DBF4B: variants seen among roughly 807,000 people sequenced by gnomAD.
The protein encoded by DBF4B is protein DBF4 homolog B.
Under a neutral mutation model 53.4 loss-of-function variants are expected in DBF4B, and 49 were observed. That is an observed-to-expected ratio of 0.92 (90% confidence interval 0.73 to 1.16). DBF4B has a LOEUF of 1.16. Ranked by LOEUF, DBF4B falls within the 50% of genes most tolerant of loss-of-function variation. DBF4B has a pLI of 0.00. For synonymous variants in DBF4B, 257 were observed against 288.7 expected (o/e 0.89, Z 1.11); for missense variants, 692 against 775.0 (o/e 0.89, Z 1.27).
At chr17:44,733,987 A>G in intron 6 of DBF4B, 103 bp from the exon 7 acceptor site, 5 of 910,762 alleles carry the variant, frequency 5.5e-6, no homozygotes, top group Admixed American at 3.7e-5. Flanking sequence ...GGAGTGATTC[A>G]GTGGGCTGGC....
intron 12 of DBF4B, 50 bp from the exon 13 acceptor site, chr17:44,748,280 CCCTGGCCCAGG>C (rs1474409282): frequency 2.0e-5 from 31 of 1,534,814 alleles, no homozygotes; most frequent in South Asian, 1.3e-4. Context: ...GTGCCCTCAG[CCCTGGCCCAGG>C]CCTGCTGTGA....
At position 44,732,170 on chromosome 17, in the gene DBF4B, A is replaced by G. The variant is rs2144960146; in HGVS notation, c.469-8A>G. ...CTGCTCCTACCTGACTCTGTGTTGT[A>G]ATTTCAGGGGAGCATCAGTGGAGGA... On this transcript the variant is annotated splice_polypyrimidine_tract_variant and splice_region_variant and intron_variant, in intron 5 of 13. Transcript: ENST00000315005. 1.2e-6 allele frequency: 2 copies of G among 1,613,782 alleles called. No individual in the cohort carries two copies. The highest frequency in any genetic ancestry group is 1.7e-6 in the Non-Finnish European group (2 of 1,179,926).
chr17:44,728,748 C>G (rs1447080161), intron 3 of DBF4B, among the ~76,000 whole-genome samples: 1 of 150,130 alleles, frequency 6.7e-6, no homozygotes, highest in Non-Finnish European at 1.5e-5. Flanking sequence ...ACCTGGGAGG[C>G]GGAGGTTGCA....
rs2049133640 is a variant in DBF4B, at chr17:44,747,376, C to T, written c.940-15C>T. On this transcript the variant is annotated splice_polypyrimidine_tract_variant and intron_variant, in intron 11 of 13. Coordinates refer to ENST00000315005, the MANE Select transcript of DBF4B (RefSeq NM_145663.3). ...GCCTCATCTAATGCCCTGTGCTCCTCTCCCCCGCCGGCAGCATCTTCAGAG... is the reference window on the plus strand; with the variant it reads ...GCCTCATCTAATGCCCTGTGCTCCTTTCCCCCGCCGGCAGCATCTTCAGAG... The T allele has an allele frequency of 6.2e-7, 1 of 1,613,448 alleles. No individual in the cohort carries two copies. Among genetic ancestry groups the T allele is most frequent in the Non-Finnish European group, 8.5e-7 (1 of 1,179,794 alleles).
At position 44,716,921 on chromosome 17, in the gene DBF4B, A is replaced by G. The variant is rs188621695; in HGVS notation, c.83-5959A>G. Among the ~76,000 whole-genome samples the G allele has an allele frequency of 2.0e-5, 3 of 152,162 alleles. No individual in the cohort carries two copies. The East Asian group carries it at 5.8e-4, about 29-fold the overall frequency. ...TCTCCTGTCTGTTTTTCACTCACCC[A>G]TCTAATTTCCAGCGTCCAACATTTT... On this transcript the variant is annotated intron_variant, in intron 2 of 13. Transcript: ENST00000315005.
At chr17:44,725,116 C>CAAAAAAAACAAAAAAAAAAAAAA (rs1974193896) in intron 3 of DBF4B, among the ~76,000 whole-genome samples, 1 of 47,600 alleles carries the variant, frequency 2.1e-5, no homozygotes, top group African/African-American at 8.3e-5. Context: ...GACTCCATCT[C>CAAAAAAAACAAAAAAAAAAAAAA]AAAAAAAAAA....
At chr17:44,745,646 A>C (rs1198616946) in intron 10 of DBF4B, among the ~76,000 whole-genome samples, 1 of 152,238 alleles carries the variant, frequency 6.6e-6, no homozygotes, top group Non-Finnish European at 1.5e-5. Flanking sequence ...CTCCATTGAC[A>C]CTTGGGGATT....
chr17:44,737,393 C>T (rs775903600), intron 8 of DBF4B, among the ~76,000 whole-genome samples: 5 of 152,218 alleles, frequency 3.3e-5, no homozygotes, highest in Admixed American at 2.6e-4. Flanking sequence ...AGTCACTTGG[C>T]ACCTCTCTCA....
Position 44,751,021 on chromosome 17 carries a change from TCA to T in DBF4B, c.1617_1618del (p.Arg540ThrfsTer44). 1 of 1,614,132 alleles carries T rather than the reference TCA, an allele frequency of 6.2e-7. No homozygotes were observed. Among genetic ancestry groups the T allele is most frequent in the Non-Finnish European group, 8.5e-7 (1 of 1,179,996 alleles). Reference sequence around the variant, plus strand: ...GAGGAAGTTTCCCCTTGCCCCTGTCTCAGACTTGGATACCTTTACCTGCTGCT... The same window carrying T: ...GAGGAAGTTTCCCCTTGCCCCTGTCTGACTTGGATACCTTTACCTGCTGCT... On this transcript the variant is annotated frameshift_variant, in exon 14 of 14. Transcript: ENST00000315005. LOFTEE classifies it low-confidence loss of function (END_TRUNC).
intron 5 of DBF4B, chr17:44,731,897 C>T (rs1396042748): frequency 3.0e-5 from 11 of 362,720 alleles, no homozygotes; most frequent in Non-Finnish European, 5.6e-5. Flanking sequence ...ACGAACAGCT[C>T]TCTCAGAAGC....
intron 6 of DBF4B, 153 bp from the exon 7 acceptor site, chr17:44,733,937 T>C (rs1975093883): frequency 3.1e-6 from 2 of 642,386 alleles, no homozygotes; most frequent in African/African-American, 3.6e-5. Context: ...TGTCAGGAGA[T>C]GCAGAGGGGA....
chr17:44,738,245 G>T, intron 8 of DBF4B, 134 bp from the exon 9 acceptor site: 2 of 922,012 alleles, frequency 2.2e-6, no homozygotes, highest in Non-Finnish European at 3.2e-6. Flanking sequence ...GCAGCCTGGG[G>T]TGGCATGATT....
rs1014370277 is a variant in DBF4B at position 44,708,685 on chromosome 17, A to G, written c.-136A>G. The G allele has an allele frequency of 3.8e-5, 41 of 1,084,706 alleles. No individual in the cohort carries two copies. Among genetic ancestry groups the G allele is most frequent in the Non-Finnish European group, 1.4e-5 (11 of 797,928 alleles). 67.2% of individuals were successfully genotyped at this position (1,084,706 alleles called of 1,614,324 possible). A position where few individuals can be genotyped will look rare whatever the true frequency, so the allele number is the denominator to read the frequency against. On this transcript the variant is annotated 5_prime_UTR_variant, in exon 1 of 14. Transcript: ENST00000315005. ...AATTTAAACTGAAGCCGCGGCCGAA[A>G]ACGCCAAGAGATTGATGCTGTAGCT...
At chr17:44,732,905 C>G (rs1425728405) in intron 6 of DBF4B, 1 of 149,552 alleles carries the variant, frequency 6.7e-6, no homozygotes, top group Non-Finnish European at 1.5e-5. Context: ...GTGGCTCACG[C>G]TTGTAATCCC....
Position 44,750,840 on chromosome 17 carries a change from C to T in DBF4B, c.1435C>T (p.Gln479Ter). ...AGAGGACATGCCCCTCCATCCCTCC[C>T]AAGAAAACTCCTTTGCCCCGGCGGA... Reference protein sequence around the residue: ...PAEDMPLHPSQENSFAPADIP... With the variant: ...PAEDMPLHPS Residue 479 changes from glutamine (Q) to a stop codon, truncating the protein, a stop_gained, in exon 14 of 14, where the codon CAA becomes TAA. Transcript: ENST00000315005. LOFTEE classifies it low-confidence loss of function (END_TRUNC). The T allele has an allele frequency of 6.2e-7, 1 of 1,614,224 alleles. No individual in the cohort carries two copies.
rs747388830 is a variant in DBF4B, at chr17:44,751,155, G to T, written c.1750G>T (p.Asp584Tyr). Residue 584 changes from aspartate to tyrosine, a missense_variant, in exon 14 of 14, where the codon GAT becomes TAT. Around this residue, in one of 3 missense-constraint regions of DBF4B, gnomAD observed 597 missense variants for 665.8 expected, o/e 0.90. Coordinates refer to ENST00000315005, the MANE Select transcript of DBF4B (RefSeq NM_145663.3). ...CCTTGCCTTCCCCTCCTATCTCAAT[G>T]ATCATGACCTTGGACATCTCTGCCA... is the stretch of plus-strand genomic sequence containing the variant. Reference protein sequence around the residue: ...CTLAFPSYLNDHDLGHLCQAK... With the variant: ...CTLAFPSYLNYHDLGHLCQAK... 1 of 1,614,012 alleles carries T rather than the reference G, an allele frequency of 6.2e-7. No individual in the cohort carries two copies. Among genetic ancestry groups the T allele is most frequent in the Non-Finnish European group, 8.5e-7 (1 of 1,180,012 alleles).
At chr17:44,710,532 A>G (rs1353536915) in intron 2 of DBF4B, among the ~76,000 whole-genome samples, 1 of 151,852 alleles carries the variant, frequency 6.6e-6, no homozygotes, top group Non-Finnish European at 1.5e-5. Context: ...TAGATGTTTT[A>G]GATTATGTGA....
At chr17:44,743,089 C>T (rs184889888) in intron 10 of DBF4B, among the ~76,000 whole-genome samples, 8 of 152,206 alleles carry the variant, frequency 5.3e-5, no homozygotes, top group Admixed American at 2.0e-4. Flanking sequence ...AGGTTAAGTC[C>T]CAATACAAGG....
chr17:44,732,082 T>A, intron 5 of DBF4B, 96 bp from the exon 6 acceptor site: 1 of 1,199,280 alleles, frequency 8.3e-7, no homozygotes, highest in Non-Finnish European at 1.2e-6. Context: ...CTCCCATGGA[T>A]GACTCAGGCC....
Sources: allele counts gnomAD v4.1 joint callset (sites outside exome capture counted in the v4.1 genomes callset), GRCh38; gene constraint gnomAD v4.1.1; regional missense constraint gnomAD v4.1.1; transcripts MANE v1.5; gene names NCBI Gene and HGNC (gene_info 2026-07-23, HGNC 2026-07-21).